The following RPL3L variants were observed in gnomAD, a reference collection of about 807,000 sequenced individuals.
The protein encoded by RPL3L is ribosomal protein uL3-like.
Under a neutral mutation model 44.5 loss-of-function variants are expected in RPL3L, and 44 were observed. That is an observed-to-expected ratio of 0.99 (90% CI 0.78 to 1.27). The LOEUF is 1.27. Among genes scored for constraint, RPL3L ranks in the 50% most tolerant of loss-of-function variants. RPL3L has a pLI of 0.00. For missense variants in RPL3L, 631 were observed against 569.1 expected (o/e 1.11, Z -1.11); for synonymous variants, 292 against 230.7 (o/e 1.27, Z -2.41).
At chr16:1,947,890 G>T (rs549137686) in intron 4 of RPL3L, among the ~76,000 whole-genome samples, 18 of 152,130 alleles carry the variant, frequency 1.2e-4, no homozygotes, top group Admixed American at 7.2e-4. Context: ...CTGGGAGTGG[G>T]GAGCTCGGAC....
At chr16:1,945,683 C>T (rs1268809996) in intron 8 of RPL3L, 65 bp from the exon 9 acceptor site, 1 of 1,609,006 alleles carries the variant, frequency 6.2e-7, no homozygotes, top group Non-Finnish European at 8.5e-7. Flanking sequence ...TGTGAACCTC[C>T]AAGCCCCACC....
chr16:1,954,490 C>CT, intron 1 of RPL3L, 139 bp downstream of exon 1: 1 of 1,029,426 alleles, frequency 9.7e-7, no homozygotes. Flanking sequence ...CCCTCGTCCC[C>CT]TTGTTTCCCC....
Position 1,950,918 on chromosome 16 carries a change from T to C in RPL3L, c.427A>G (p.Lys143Glu). The change falls in exon 4 of 10, where the codon AAA (lysine) becomes GAA (glutamate). Residue 143 changes from lysine to glutamate, a missense_variant. Transcript: ENST00000268661. ...ACKRWRDTDG[K>E]KQLQKDFAAM... ...GCGAAGTCCTTCTGTAGCTGCTTTTTCCCGTCTGTGTCCCGCCACCTCTTG... is the reference window on the plus strand; with the variant it reads ...GCGAAGTCCTTCTGTAGCTGCTTTTCCCCGTCTGTGTCCCGCCACCTCTTG... 1 of 1,614,082 alleles carries C rather than the reference T, an allele frequency of 6.2e-7. No homozygotes were observed. The highest frequency in any genetic ancestry group is 8.5e-7 in the Non-Finnish European group (1 of 1,179,972).
chr16:1,945,150 T>C (rs1220735193), intron 9 of RPL3L, among the ~76,000 whole-genome samples: 1 of 151,794 alleles, frequency 6.6e-6, no homozygotes, highest in East Asian at 1.9e-4. Flanking sequence ...GGTCAGGAGA[T>C]AGAGACCATC....
At chr16:1,944,957 G>T (rs757317345) in intron 9 of RPL3L, 64 bp from the exon 10 acceptor site, 19 of 1,605,956 alleles carry the variant, frequency 1.2e-5, no homozygotes, top group Non-Finnish European at 1.5e-5. Context: ...CCCTCCCCCA[G>T]CCAGGCTCTA....
intron 4 of RPL3L, among the ~76,000 whole-genome samples, chr16:1,947,938 A>ATTTTTTTT (rs1158555053): frequency 9.1e-6 from 1 of 109,998 alleles, no homozygotes; most frequent in Admixed American, 9.9e-5. Flanking sequence ...ATCTGATTGG[A>ATTTTTTTT]TTTTTTTTTT....
At position 1,947,024 on chromosome 16, in the gene RPL3L, C is replaced by T; in HGVS notation, c.763G>A (p.Gly255Ser). Reference sequence around the variant, plus strand: ...CCCACGCGGGCGGGGTGCCAGGCGCCAATGCAGGCCACCTTGCGCAGGCCC... The same window carrying T: ...CCCACGCGGGCGGGGTGCCAGGCGCTAATGCAGGCCACCTTGCGCAGGCCC... Reference protein sequence around the residue: ...HKGLRKVACIGAWHPARVGCS... With the variant: ...HKGLRKVACISAWHPARVGCS... The change falls in exon 6 of 10, where the codon GGC becomes AGC. Residue 255 changes from glycine to serine, a missense_variant. Physicochemically the swap from Gly to Ser is moderately conservative, Grantham distance 56. Coordinates refer to ENST00000268661, the MANE Select transcript of RPL3L (RefSeq NM_005061.3). The T allele has an allele frequency of 6.2e-7, 1 of 1,612,730 alleles. No individual in the cohort carries two copies. Among genetic ancestry groups the T allele is most frequent in the Non-Finnish European group, 8.5e-7 (1 of 1,179,814 alleles).
intron 6 of RPL3L, 88 bp from the exon 7 acceptor site, chr16:1,946,814 C>T: frequency 3.8e-6 from 6 of 1,579,736 alleles, no homozygotes; most frequent in Non-Finnish European, 5.2e-6. Flanking sequence ...TGCTCAGACT[C>T]AGTGCTGGTG....
rs898679165 is a variant in RPL3L, at chr16:1,944,556, A to AT, written c.*280_*281insA. 3.3e-6 allele frequency: 1 copy of AT among 305,540 alleles called. No homozygotes were observed. The highest frequency in any genetic ancestry group is 2.2e-5 in the African/African-American group (1 of 46,324). 18.9% of individuals were successfully genotyped at this position (305,540 alleles called of 1,614,324 possible). Reference sequence around the variant, plus strand: ...TCAAGACTCTCTCAAAAAAAAAAAAAAAAAAAACCTCTGCTCCGCAAATGC... The same window carrying AT: ...TCAAGACTCTCTCAAAAAAAAAAAAATAAAAAAACCTCTGCTCCGCAAATGC... On this transcript the variant is annotated 3_prime_UTR_variant, in exon 10 of 10. Coordinates refer to ENST00000268661, the MANE Select transcript of RPL3L (RefSeq NM_005061.3).
At chr16:1,945,356 A>AT (rs2083112662) in intron 9 of RPL3L, 143 bp downstream of exon 9, 1 of 874,496 alleles carries the variant, frequency 1.1e-6, no homozygotes, top group Non-Finnish European at 1.6e-6. Flanking sequence ...CTCCATCTCA[A>AT]AAAATAAAAT....
chr16:1,948,179 C>T (rs1051175516), intron 4 of RPL3L, among the ~76,000 whole-genome samples: 3 of 151,632 alleles, frequency 2.0e-5, no homozygotes, highest in Admixed American at 1.3e-4. Context: ...CCTCATGATC[C>T]GCCCGCCTCA....
chr16:1,948,859 G>T lies in RPL3L; in HGVS notation c.502-1479C>A, dbSNP rs568505578. 1.1e-4 allele frequency among the ~76,000 whole-genome samples: 16 copies of T among 152,210 alleles called. No homozygotes were observed. The East Asian group carries it at 3.1e-3, about 29-fold the overall frequency. On this transcript the variant is annotated intron_variant, in intron 4 of 9. Transcript: ENST00000268661. ...GCCTCCCGAGTAGCTGGGACTACAG[G>T]TTGTGCCACTACGCCTGGCTAATTT...
intron 4 of RPL3L, among the ~76,000 whole-genome samples, chr16:1,948,754 C>T (rs2083144912): frequency 6.6e-6 from 1 of 151,076 alleles, no homozygotes. Flanking sequence ...TTTGCTCTGT[C>T]GCCCAGGCTG....
Position 1,947,210 on chromosome 16 carries a change from C to G in RPL3L, c.672G>C (p.Lys224Asn). The part of the protein sequence containing the change: ...SEVIDVIAVT[K>N]GRGVKGVTSR... The stretch of plus-strand genomic sequence containing the variant: ...GAGCCCTACCTTTGACGCCTCGACC[C>G]TTGGTGACAGCAATGACATCAATGA... The change falls in exon 5 of 10, where the codon AAG (lysine) becomes AAC (asparagine). Residue 224 changes from lysine (K) to asparagine (N), a missense_variant. By Grantham distance (94) the Lys-to-Asn change is moderately conservative. Coordinates refer to ENST00000268661, the MANE Select transcript of RPL3L (RefSeq NM_005061.3). 3 of 1,612,934 alleles carry G rather than the reference C, an allele frequency of 1.9e-6. No homozygotes were observed. The highest frequency in any genetic ancestry group is 2.5e-6 in the Non-Finnish European group (3 of 1,179,304).
chr16:1,951,478 C>G lies in RPL3L; in HGVS notation c.366-499G>C, dbSNP rs1197336367. On this transcript the variant is annotated intron_variant, in intron 3 of 9. Transcript: ENST00000268661. ...CTCACTGCAGCCTGGAGCTCCCAGACTCAAGCAATCCTCCCACCTCACCCC... is the reference window on the plus strand; with the variant it reads ...CTCACTGCAGCCTGGAGCTCCCAGAGTCAAGCAATCCTCCCACCTCACCCC... Among the ~76,000 whole-genome samples, 3 of 151,886 alleles carry G rather than the reference C, an allele frequency of 2.0e-5. No homozygotes were observed. In the South Asian group the frequency reaches 6.2e-4, roughly 32 times the overall value.
chr16:1,950,712 T>C, intron 4 of RPL3L, 132 bp downstream of exon 4: 2 of 1,432,404 alleles, frequency 1.4e-6, no homozygotes, highest in Non-Finnish European at 1.9e-6. Flanking sequence ...CCAGCGAGGC[T>C]GGTCAGCCGC....
Position 1,944,803 on chromosome 16 carries a change from C to A in RPL3L, c.*34G>T, listed in dbSNP as rs147225960. 1 of 1,613,196 alleles carries A rather than the reference C, an allele frequency of 6.2e-7. No individual in the cohort carries two copies. On this transcript the variant is annotated 3_prime_UTR_variant, in exon 10 of 10. Transcript: ENST00000268661. ...TTGTTAGACATTGGGGCAGACAGTG[C>A]GGTGCGCTTCAGGGTTCATCCACCC...
At chr16:1,949,285 A>T (rs1166563618) in intron 4 of RPL3L, among the ~76,000 whole-genome samples, 11 of 53,934 alleles carry the variant, frequency 2.0e-4, no homozygotes, top group African/African-American at 4.8e-4. Context: ...TTTTTTTGAG[A>T]CTCTATCGCC....
Position 1,954,071 on chromosome 16 carries a change from GC to G in RPL3L, c.80del (p.Gly27AlafsTer3), listed in dbSNP as rs773556395. The G allele has an allele frequency of 1.9e-6, 3 of 1,605,314 alleles. No individual in the cohort carries two copies. The highest frequency in any genetic ancestry group is 3.4e-5 in the Admixed American group (2 of 58,626). The part of the protein sequence containing the change: ...LPHKRSHRHR[G>X]KVKTWPRDDP... ...CATCCCGCGGCCACGTCTTCACCTTGCCCCGGTGCCGGTGGCTCCTCTTATG... is the reference window on the plus strand; with the variant it reads ...CATCCCGCGGCCACGTCTTCACCTTGCCCGGTGCCGGTGGCTCCTCTTATG... On this transcript the variant is annotated frameshift_variant, in exon 2 of 10. Coordinates refer to ENST00000268661, the MANE Select transcript of RPL3L (RefSeq NM_005061.3). LOFTEE classifies it high-confidence loss of function.
Sources: allele counts gnomAD v4.1 joint callset (sites outside exome capture counted in the v4.1 genomes callset), GRCh38; gene constraint gnomAD v4.1.1; transcripts MANE v1.5; gene names NCBI Gene and HGNC (gene_info 2026-07-23, HGNC 2026-07-21).